MROH7: variants seen among roughly 807,000 people sequenced by gnomAD.
MROH7 encodes the protein maestro heat-like repeat-containing protein family member 7.
Under a neutral mutation model 129.2 loss-of-function variants are expected in MROH7, and 113 were observed. The observed-to-expected ratio is 0.87, with a 90% CI of 0.75 to 1.02. The LOEUF (loss-of-function observed/expected upper bound fraction) is 1.02. Ranked by LOEUF, MROH7 falls within the 50% of genes least tolerant of loss-of-function variation. MROH7 has a pLI of 0.00. For synonymous variants in MROH7, 655 were observed against 667.9 expected, an observed-to-expected ratio of 0.98 and a Z score of 0.30; for missense variants, 1,601 against 1,671.3, an observed-to-expected ratio of 0.96 and a Z score of 0.73.
rs1199609451 is a variant in MROH7 at position 54,653,867 on chromosome 1, C to T, written c.941C>T (p.Thr314Ile). 1.2e-6 allele frequency: 2 copies of T among 1,614,064 alleles called. No individual in the cohort carries two copies. Among genetic ancestry groups the T allele is most frequent in the East Asian group, 2.2e-5 (1 of 44,878 alleles). The change falls in exon 3 of 24, where the codon ACC becomes ATC. Residue 314 changes from threonine to isoleucine, a missense_variant. Physicochemically the swap from Thr to Ile is moderately conservative, Grantham distance 89. Transcript: ENST00000421030. ...SSYGISLHSS[T>I]HEPNSTISPP... ...TATGGTATCAGCCTGCACTCCAGCACCCATGAGCCCAACTCCACCATCTCT... is the reference window on the plus strand; with the variant it reads ...TATGGTATCAGCCTGCACTCCAGCATCCATGAGCCCAACTCCACCATCTCT...
At chr1:54,669,737 C>T (rs372351104) in intron 5 of MROH7, among the ~76,000 whole-genome samples, 84 of 152,164 alleles carry the variant, frequency 5.5e-4, no homozygotes, top group Non-Finnish European at 9.0e-4. Flanking sequence ...TGGTGGCTCA[C>T]GTCTGTAATC....
At chr1:54,680,156 C>T (rs1040141788) in intron 13 of MROH7, 111 bp downstream of exon 13, 3 of 963,062 alleles carry the variant, frequency 3.1e-6, no homozygotes, top group East Asian at 2.4e-5. Context: ...TCCCAGATGG[C>T]CCCCCTTCTG....
intron 18 of MROH7, 104 bp from the exon 19 acceptor site, chr1:54,701,039 T>G (rs1645426769): frequency 1.6e-6 from 2 of 1,265,628 alleles, no homozygotes; most frequent in East Asian, 4.9e-5. Flanking sequence ...GGCCTGGAAG[T>G]GGGGATTGGG....
intron 17 of MROH7, chr1:54,697,439 G>A: frequency 2.2e-6 from 1 of 464,494 alleles, no homozygotes; most frequent in Non-Finnish European, 3.9e-6. Flanking sequence ...AAATACTGCA[G>A]GTCACCAGCA....
chr1:54,686,143 G>A (rs546197889), intron 14 of MROH7, 115 bp from the exon 15 acceptor site: 4 of 924,786 alleles, frequency 4.3e-6, no homozygotes, highest in South Asian at 1.9e-5. Flanking sequence ...CCCAGGCTGG[G>A]CCAGAGGACA....
chr1:54,696,934 A>T (rs551131185), intron 17 of MROH7, among the ~76,000 whole-genome samples: 109 of 152,138 alleles, frequency 7.2e-4, no homozygotes, highest in Middle Eastern at 6.8e-3. Context: ...AGCCTCCCAA[A>T]GTGCTGGAAT....
intron 2 of MROH7, among the ~76,000 whole-genome samples, chr1:54,652,320 G>T (rs1644570785): frequency 6.6e-6 from 1 of 152,196 alleles, no homozygotes; most frequent in African/African-American, 2.4e-5. Context: ...GTCACATGTG[G>T]CCAGCTGGAA....
At chr1:54,670,658 C>CCG in intron 6 of MROH7, 82 bp downstream of exon 6, 2 of 1,351,686 alleles carry the variant, frequency 1.5e-6, no homozygotes, top group Non-Finnish European at 2.1e-6. Flanking sequence ...TTCGCTGTAC[C>CCG]CTCCCCCAAC....
At chr1:54,648,745 C>T (rs1300352645) in intron 1 of MROH7, among the ~76,000 whole-genome samples, 1 of 152,060 alleles carries the variant, frequency 6.6e-6, no homozygotes, top group Non-Finnish European at 1.5e-5. Context: ...TAAAGGGACC[C>T]CTGTTGAGCA....
At chr1:54,644,168 T>C (rs1644427481) in intron 1 of MROH7, among the ~76,000 whole-genome samples, 1 of 151,044 alleles carries the variant, frequency 6.6e-6, no homozygotes, top group African/African-American at 2.4e-5. Context: ...TTTCTCCTTC[T>C]GGAACTCTGA....
At chr1:54,700,253 T>A (rs757354506) in intron 17 of MROH7, 68 bp from the exon 18 acceptor site, 2 of 1,597,706 alleles carry the variant, frequency 1.3e-6, no homozygotes, top group Admixed American at 3.4e-5. Context: ...GCAATCCCAG[T>A]GCATGGGAGG....
Position 54,686,182 on chromosome 1 carries a change from A to T in MROH7, c.2521-76A>T. The T allele has an allele frequency of 2.2e-6, 3 of 1,337,684 alleles. No individual in the cohort carries two copies. In the South Asian group the frequency reaches 4.3e-5, roughly 19 times the overall value. The allele number at this position is 1,337,684 out of a possible 1,614,324, so 82.9% of individuals were successfully genotyped here. Reference sequence around the variant, plus strand: ...AAGACCCAGATCCTACCTCCCAGAGAGGCAGTCCAGGCCCCAGCCAGGAGT... The same window carrying T: ...AAGACCCAGATCCTACCTCCCAGAGTGGCAGTCCAGGCCCCAGCCAGGAGT... On this transcript the variant is annotated intron_variant, in intron 14 of 23. Coordinates refer to ENST00000421030, the MANE Select transcript of MROH7 (RefSeq NM_001039464.4).
chr1:54,680,173 G>A (rs1645046886), intron 13 of MROH7, 128 bp downstream of exon 13: 2 of 793,078 alleles, frequency 2.5e-6, no homozygotes, highest in Non-Finnish European at 4.1e-6. Flanking sequence ...TCTGTGATCT[G>A]GGGTGTTTAT....
At chr1:54,706,352 C>A in intron 21 of MROH7, 83 bp from the exon 22 acceptor site, 1 of 998,506 alleles carries the variant, frequency 1.0e-6, no homozygotes, top group Non-Finnish European at 1.6e-6. Flanking sequence ...GGGTGAGGGT[C>A]ACCATTCCTA....
At chr1:54,675,056 A>T (rs1644959908) in intron 10 of MROH7, among the ~76,000 whole-genome samples, 1 of 151,802 alleles carries the variant, frequency 6.6e-6, no homozygotes, top group South Asian at 2.1e-4. Context: ...GCTCACTGCA[A>T]TCTCTGCCAC....
At chr1:54,665,953 T>A (rs1358969062) in intron 4 of MROH7, among the ~76,000 whole-genome samples, 2 of 152,218 alleles carry the variant, frequency 1.3e-5, no homozygotes, top group African/African-American at 4.8e-5. Flanking sequence ...GGAGCATTTA[T>A]CCTCATCCCA....
In MROH7 at chr1:54,654,042, G is replaced by C; in HGVS notation, c.1116G>C (p.Glu372Asp). Residue 372 changes from glutamate to aspartate, a missense_variant, in exon 3 of 24, where the codon GAG becomes GAC. Transcript: ENST00000421030. Reference protein sequence around the residue: ...DNSIHTVPLEENLESWSEMAS... With the variant: ...DNSIHTVPLEDNLESWSEMAS... The stretch of plus-strand genomic sequence containing the variant: ...GCATCCACACTGTGCCCCTGGAGGA[G>C]AATCTGGAGAGTTGGAGTGAGATGG... 1 of 1,614,228 alleles carries C rather than the reference G, an allele frequency of 6.2e-7. No homozygotes were observed. The highest frequency in any genetic ancestry group is 8.5e-7 in the Non-Finnish European group (1 of 1,180,040).
chr1:54,686,389 C>CG lies in MROH7; in HGVS notation c.2653dup (p.Val885GlyfsTer38). The CG allele has an allele frequency of 6.2e-7, 1 of 1,614,158 alleles. No individual in the cohort carries two copies. The highest frequency in any genetic ancestry group is 8.5e-7 in the Non-Finnish European group (1 of 1,180,026). Reference sequence around the variant, plus strand: ...ACATCGGCCTCAACCTGCCTGGCTGCGTGGCTCCTCCCAAGGACACCAAGA... The same window carrying CG: ...ACATCGGCCTCAACCTGCCTGGCTGCGGTGGCTCCTCCCAAGGACACCAAGA... On this transcript the variant is annotated frameshift_variant, in exon 15 of 24. Transcript: ENST00000421030. LOFTEE classifies it high-confidence loss of function.
chr1:54,699,589 G>A (rs1291322667), intron 17 of MROH7: 9 of 154,698 alleles, frequency 5.8e-5, no homozygotes, highest in South Asian at 2.0e-4. Flanking sequence ...ATGAGCCACC[G>A]TGCCCGGCCC....
Sources: allele counts gnomAD v4.1 joint callset (sites outside exome capture counted in the v4.1 genomes callset), GRCh38; gene constraint gnomAD v4.1.1; transcripts MANE v1.5; gene names NCBI Gene and HGNC (gene_info 2026-07-23, HGNC 2026-07-21).